Variants in LHFPL3 observed in about 807,000 individuals in gnomAD.
The protein encoded by LHFPL3 is LHFPL tetraspan subfamily member 3 protein.
In LHFPL3, 5 loss-of-function variants were observed where a neutral mutation model predicts 19.3. The ratio of observed to expected loss-of-function variants is 0.26; its 90% CI spans 0.14 to 0.54. LHFPL3 has a LOEUF of 0.54. LHFPL3 is among the 20% of genes least tolerant of loss of function. LHFPL3 has a pLI of 0.94. For missense variants in LHFPL3, 249 were observed against 307.4 expected, an observed-to-expected ratio of 0.81 and a Z score of 1.42; for synonymous variants, 133 against 126.2, an observed-to-expected ratio of 1.05 and a Z score of -0.36.
chr7:104,606,860 T>G (rs1465296938), intron 1 of LHFPL3, among the ~76,000 whole-genome samples: 2 of 152,116 alleles, frequency 1.3e-5, no homozygotes, highest in Non-Finnish European at 2.9e-5. Flanking sequence ...AAAATGGTCC[T>G]CAGGCACTGA....
chr7:104,446,027 T>G (rs1034771614), intron 1 of LHFPL3, among the ~76,000 whole-genome samples: 1 of 152,200 alleles, frequency 6.6e-6, no homozygotes, highest in African/African-American at 2.4e-5. Context: ...AGTTGATGCC[T>G]TCTCAGTGGG....
Position 104,829,857 on chromosome 7 carries a change from G to T in LHFPL3, c.683-76330G>T, listed in dbSNP as rs1285989892. Among the ~76,000 whole-genome samples the T allele has an allele frequency of 3.3e-5, 5 of 152,006 alleles. No individual in the cohort carries two copies. The East Asian group carries it at 9.6e-4, about 29-fold the overall frequency. ...TTGGGTATATACCCAGTAATGGGAT[G>T]GCTGGGTCAAATGGTATTTCTAGTT... On this transcript the variant is annotated intron_variant, in intron 2 of 2. Coordinates refer to ENST00000424859, the MANE Select transcript of LHFPL3 (RefSeq NM_199000.3).
chr7:104,335,624 A>G (rs1376013269), intron 1 of LHFPL3, among the ~76,000 whole-genome samples: 2 of 152,196 alleles, frequency 1.3e-5, no homozygotes, highest in Admixed American at 6.5e-5. Context: ...AGGCTGCACA[A>G]TCAACAAGTT....
At chr7:104,687,898 G>T (rs949396389) in intron 1 of LHFPL3, among the ~76,000 whole-genome samples, 2 of 152,170 alleles carry the variant, frequency 1.3e-5, no homozygotes, top group African/African-American at 4.8e-5. Context: ...TAGAAATTTA[G>T]TCGCATTATA....
chr7:104,671,844 C>T (rs1046086236), intron 1 of LHFPL3, among the ~76,000 whole-genome samples: 4 of 152,012 alleles, frequency 2.6e-5, no homozygotes, highest in Non-Finnish European at 5.9e-5. Context: ...ATTACTCTAC[C>T]CATTTTATAA....
intron 1 of LHFPL3, among the ~76,000 whole-genome samples, chr7:104,549,836 G>A (rs1455717285): frequency 6.6e-6 from 1 of 152,156 alleles, no homozygotes; most frequent in East Asian, 1.9e-4. Flanking sequence ...AAGGAGGACA[G>A]AGATGTTAAC....
At position 104,842,305 on chromosome 7, in the gene LHFPL3, G is replaced by A. The variant is rs376132388; in HGVS notation, c.683-63882G>A. On this transcript the variant is annotated intron_variant, in intron 2 of 2. Transcript: ENST00000424859. Reference sequence around the variant, plus strand: ...AACCTTTTGCGGGGGTGGGGGGGTGGGGGGAGGCTTTTTCCTACATGGGCT... The same window carrying A: ...AACCTTTTGCGGGGGTGGGGGGGTGAGGGGAGGCTTTTTCCTACATGGGCT... 1.2e-4 allele frequency among the ~76,000 whole-genome samples: 16 copies of A among 137,034 alleles called. No homozygotes were observed. The East Asian group carries it at 3.4e-3, about 29-fold the overall frequency. The allele number at this position is 137,034 out of a possible 152,430, so 89.9% of individuals were successfully genotyped here.
chr7:104,527,300 C>T (rs2115832139), intron 1 of LHFPL3, among the ~76,000 whole-genome samples: 1 of 152,146 alleles, frequency 6.6e-6, no homozygotes, highest in African/African-American at 2.4e-5. Flanking sequence ...TGGTGAGAGC[C>T]ACTTTCAAAG....
In LHFPL3 at chr7:104,551,892, G is replaced by C. The variant is rs556652406; in HGVS notation, c.446-184783G>C. 2.0e-5 allele frequency among the ~76,000 whole-genome samples: 3 copies of C among 152,224 alleles called. No homozygotes were observed. The East Asian group carries it at 5.8e-4, about 29-fold the overall frequency. On this transcript the variant is annotated intron_variant, in intron 1 of 2. Coordinates refer to ENST00000424859, the MANE Select transcript of LHFPL3 (RefSeq NM_199000.3). ...TATTTTTCAGCAACTTGGACATCTG[G>C]TCATTTACTTGTTTCATGGTGTGCT...
intron 1 of LHFPL3, among the ~76,000 whole-genome samples, chr7:104,381,330 G>T (rs1447068387): frequency 6.6e-6 from 1 of 152,066 alleles, no homozygotes; most frequent in Admixed American, 6.6e-5. Context: ...CTACTATTGG[G>T]CTTCTAGTAT....
At chr7:104,428,535 A>G (rs547650387) in intron 1 of LHFPL3, among the ~76,000 whole-genome samples, 1 of 152,160 alleles carries the variant, frequency 6.6e-6, no homozygotes, top group South Asian at 2.1e-4. Flanking sequence ...TTTCTGCTTG[A>G]TGTTGAACCT....
intron 1 of LHFPL3, among the ~76,000 whole-genome samples, chr7:104,452,410 A>G (rs1562901847): frequency 6.6e-6 from 1 of 152,208 alleles, no homozygotes; most frequent in African/African-American, 2.4e-5. Context: ...TCACTTGTTT[A>G]AATTATTTCC....
At chr7:104,870,174 T>C (rs1791805123) in intron 2 of LHFPL3, among the ~76,000 whole-genome samples, 1 of 152,138 alleles carries the variant, frequency 6.6e-6, no homozygotes. Flanking sequence ...CACACCAACA[T>C]GGCACATGTA....
At chr7:104,476,461 T>A (rs936109546) in intron 1 of LHFPL3, among the ~76,000 whole-genome samples, 2 of 152,078 alleles carry the variant, frequency 1.3e-5, no homozygotes, top group Non-Finnish European at 2.9e-5. Context: ...CTTTTTTTTT[T>A]TTTATTTTTA....
intron 1 of LHFPL3, among the ~76,000 whole-genome samples, chr7:104,407,028 C>G (rs1791430375): frequency 6.6e-6 from 1 of 152,198 alleles, no homozygotes; most frequent in Non-Finnish European, 1.5e-5. Context: ...GGGGACCTCT[C>G]TGAGCCACAG....
intron 2 of LHFPL3, among the ~76,000 whole-genome samples, chr7:104,852,375 A>G (rs866060140): frequency 9.2e-5 from 14 of 152,230 alleles, no homozygotes; most frequent in African/African-American, 3.4e-4. Flanking sequence ...GGATCAGGAC[A>G]CTAGGCAGGA....
At chr7:104,542,155 C>A (rs1241306074) in intron 1 of LHFPL3, among the ~76,000 whole-genome samples, 1 of 152,006 alleles carries the variant, frequency 6.6e-6, no homozygotes. Flanking sequence ...CTGAGAGCAG[C>A]AGAAATGACT....
chr7:104,888,278 C>CCCA (rs1792186948), intron 2 of LHFPL3, among the ~76,000 whole-genome samples: 1 of 152,144 alleles, frequency 6.6e-6, no homozygotes, highest in South Asian at 2.1e-4. Flanking sequence ...ACTTGTAATC[C>CCCA]CAGTGCTTTG....
intron 1 of LHFPL3, among the ~76,000 whole-genome samples, chr7:104,457,276 C>G (rs12533287): frequency 1.2e-4 from 18 of 151,546 alleles, no homozygotes; most frequent in Admixed American, 1.2e-3. Context: ...CCCATCCCCC[C>G]ACCCCACAAC....
Sources: gnomAD v4.1 joint callset for allele counts (sites outside exome capture counted in the v4.1 genomes callset) on GRCh38, gnomAD v4.1.1 for gene constraint, MANE v1.5 for transcripts, NCBI Gene and HGNC (gene_info 2026-07-23, HGNC 2026-07-21) for gene names.